Variants in DYRK1A observed in about 807,000 individuals in gnomAD.
The protein encoded by DYRK1A is dual specificity tyrosine phosphorylation regulated kinase 1A, also known as dual specificity tyrosine-phosphorylation-regulated kinase 1A.
Under a neutral mutation model 79.7 loss-of-function variants are expected in DYRK1A, and 9 were observed. That is an observed-to-expected ratio of 0.11 (90% CI 0.07 to 0.20). DYRK1A has a LOEUF of 0.20. DYRK1A is among the 10% of genes least tolerant of loss of function. The pLI is 1.00. For missense variants in DYRK1A, 622 were observed against 956.0 expected, an observed-to-expected ratio of 0.65 and a Z score of 4.61; for synonymous variants, 349 against 329.7, an observed-to-expected ratio of 1.06 and a Z score of -0.63.
intron 1 of DYRK1A, among the ~76,000 whole-genome samples, chr21:37,386,037 C>T (rs2049753183): frequency 6.6e-6 from 1 of 152,076 alleles, no homozygotes; most frequent in Non-Finnish European, 1.5e-5. Context: ...TACCACTAGC[C>T]AGTAAGGTAC....
rs2050029786 is a variant in DYRK1A, at chr21:37,400,296, CAACTT to C, written c.-76-20000_-76-19996del. On this transcript the variant is annotated intron_variant, in intron 1 of 11. Coordinates refer to ENST00000647188, the MANE Select transcript of DYRK1A (RefSeq NM_001347721.2). ...GATAATCCCCTCATCTCAAGATTCT[CAACTT>C]AATCACACCTGCAAAGACCTGTTTT... Among the ~76,000 whole-genome samples, 3 of 152,156 alleles carry C rather than the reference CAACTT, an allele frequency of 2.0e-5. No individual in the cohort carries two copies. In the South Asian group the frequency reaches 6.2e-4, roughly 31 times the overall value.
At chr21:37,468,655 T>A (rs1277699575) in intron 2 of DYRK1A, among the ~76,000 whole-genome samples, 1 of 152,208 alleles carries the variant, frequency 6.6e-6, no homozygotes, top group Non-Finnish European at 1.5e-5. Context: ...ATCAATTGGA[T>A]GTTAATTTGG....
chr21:37,388,997 G>A (rs377179306), intron 1 of DYRK1A, among the ~76,000 whole-genome samples: 1 of 151,506 alleles, frequency 6.6e-6, no homozygotes, highest in Admixed American at 6.6e-5. Context: ...TCACTCTGTT[G>A]CCCAGGCTGG....
chr21:37,495,259 C>T (rs1488932347), intron 8 of DYRK1A, among the ~76,000 whole-genome samples: 1 of 151,232 alleles, frequency 6.6e-6, no homozygotes, highest in Non-Finnish European at 1.5e-5. Flanking sequence ...CCTGTAATCC[C>T]AGCACTTTGG....
At chr21:37,453,734 G>T (rs2051537726) in intron 2 of DYRK1A, among the ~76,000 whole-genome samples, 1 of 152,120 alleles carries the variant, frequency 6.6e-6, no homozygotes, top group Non-Finnish European at 1.5e-5. Flanking sequence ...CACATTTTAG[G>T]TGCTGGTTAG....
chr21:37,434,913 A>G (rs953065370), intron 2 of DYRK1A, among the ~76,000 whole-genome samples: 4 of 152,238 alleles, frequency 2.6e-5, no homozygotes, highest in African/African-American at 9.6e-5. Flanking sequence ...AGACATTTAC[A>G]TAATGCTTTT....
chr21:37,428,447 G>A (rs1302401872), intron 2 of DYRK1A, among the ~76,000 whole-genome samples: 1 of 152,156 alleles, frequency 6.6e-6, no homozygotes, highest in African/African-American at 2.4e-5. Context: ...CTTCATAAAT[G>A]AGTTACTCTT....
At chr21:37,373,310 C>T (rs991866622) in intron 1 of DYRK1A, among the ~76,000 whole-genome samples, 5 of 152,110 alleles carry the variant, frequency 3.3e-5, no homozygotes, top group African/African-American at 1.2e-4. Flanking sequence ...GCAATAATCT[C>T]AGTAATGGGG....
intron 2 of DYRK1A, among the ~76,000 whole-genome samples, chr21:37,440,130 C>CTTTTGTTTTTTTTTTTTTT (rs2051050948): frequency 2.6e-5 from 1 of 37,744 alleles, no homozygotes; most frequent in Non-Finnish European, 5.2e-5. Context: ...TTGTTTGCTC[C>CTTTTGTTTTTTTTTTTTTT]TTTTTTTTTT....
intron 4 of DYRK1A, among the ~76,000 whole-genome samples, chr21:37,479,436 G>A (rs917200020): frequency 6.6e-6 from 1 of 151,020 alleles, no homozygotes; most frequent in African/African-American, 2.5e-5. Flanking sequence ...TTGTTTTTAA[G>A]TGTCTTAACC....
chr21:37,496,358 C>G, intron 9 of DYRK1A, 100 bp downstream of exon 9: 1 of 1,247,886 alleles, frequency 8.0e-7, no homozygotes, highest in Non-Finnish European at 1.1e-6. Context: ...CAGTGTGTTT[C>G]AGTTAACGAT....
In DYRK1A at chr21:37,514,855, G is replaced by A. The variant is rs948759426; in HGVS notation, c.*2324G>A. 4 of 152,132 alleles carry A rather than the reference G, an allele frequency of 2.6e-5. No individual in the cohort carries two copies. The highest frequency in any genetic ancestry group is 5.9e-5 in the Non-Finnish European group (4 of 67,930). The allele number at this position is 152,132 out of a possible 1,614,324, so 9.4% of individuals were successfully genotyped here. A position where few individuals can be genotyped will look rare whatever the true frequency, so the allele number is the denominator to read the frequency against. On this transcript the variant is annotated 3_prime_UTR_variant, in exon 12 of 12. Transcript: ENST00000647188. ...TCAGGTCATTTTTTTTTTCTGTGCT[G>A]GTTGCCACATCTTAGCAAGCACCAA...
At chr21:37,409,873 C>T (rs549540089) in intron 1 of DYRK1A, among the ~76,000 whole-genome samples, 2 of 152,090 alleles carry the variant, frequency 1.3e-5, no homozygotes, top group Non-Finnish European at 2.9e-5. Context: ...CAGAAGAATT[C>T]AAGTGATCAC....
intron 11 of DYRK1A, among the ~76,000 whole-genome samples, chr21:37,507,320 G>A (rs902208077): frequency 1.3e-5 from 2 of 152,130 alleles, no homozygotes; most frequent in Non-Finnish European, 2.9e-5. Flanking sequence ...CAGCTCCGGT[G>A]TCTTCACTCT....
intron 1 of DYRK1A, among the ~76,000 whole-genome samples, chr21:37,416,763 T>C (rs2050350074): frequency 1.3e-5 from 2 of 151,704 alleles, no homozygotes; most frequent in Non-Finnish European, 1.5e-5. Context: ...TTATTTTTAA[T>C]GGGCATCTTC....
At chr21:37,381,771 A>C (rs975020215) in intron 1 of DYRK1A, among the ~76,000 whole-genome samples, 3 of 152,162 alleles carry the variant, frequency 2.0e-5, no homozygotes, top group Non-Finnish European at 2.9e-5. Context: ...CTGAGTGAGT[A>C]CACTTTGAGT....
At chr21:37,433,044 AAT>A (rs1555964567) in intron 2 of DYRK1A, among the ~76,000 whole-genome samples, 18 of 140,510 alleles carry the variant, frequency 1.3e-4, no homozygotes, top group African/African-American at 3.0e-4. Flanking sequence ...AGGAATTCTA[AAT>A]ATATATATAT....
chr21:37,477,452 C>T (rs2052440880), intron 3 of DYRK1A, among the ~76,000 whole-genome samples: 1 of 152,210 alleles, frequency 6.6e-6, no homozygotes, highest in South Asian at 2.1e-4. Flanking sequence ...AGCCACAGCA[C>T]TCCTGGGGTG....
rs1261180562 is a variant in DYRK1A at position 37,496,378 on chromosome 21, A to T, written c.1212+120A>T. On this transcript the variant is annotated intron_variant, in intron 9 of 11. Coordinates refer to ENST00000647188, the MANE Select transcript of DYRK1A (RefSeq NM_001347721.2). Reference sequence around the variant, plus strand: ...TGTTTCAGTTAACGATTTTATTGATACCTTACATAGATATTTTGTTCAGAA... The same window carrying T: ...TGTTTCAGTTAACGATTTTATTGATTCCTTACATAGATATTTTGTTCAGAA... 9.3e-6 allele frequency: 9 copies of T among 968,634 alleles called. No individual in the cohort carries two copies. The South Asian group carries it at 1.4e-4, about 15-fold the overall frequency. The allele number at this position is 968,634 out of a possible 1,614,324, so 60.0% of individuals were successfully genotyped here.
Sources: allele counts gnomAD v4.1 joint callset (sites outside exome capture counted in the v4.1 genomes callset), GRCh38; gene constraint gnomAD v4.1.1; transcripts MANE v1.5; gene names NCBI Gene and HGNC (gene_info 2026-07-23, HGNC 2026-07-21).